Variants in ANKRD6 observed in about 807,000 individuals in gnomAD.
ANKRD6 encodes the protein ankyrin repeat domain 6.
Under a neutral mutation model 82.3 loss-of-function variants are expected in ANKRD6, and 56 were observed. The ratio of observed to expected loss-of-function variants is 0.68; its 90% CI spans 0.55 to 0.85. The LOEUF (loss-of-function observed/expected upper bound fraction) is 0.85. Ranked by LOEUF, ANKRD6 falls within the 40% of genes least tolerant of loss-of-function variation. The probability of loss-of-function intolerance (pLI) is 0.00; values close to 1 mark genes in which losing one functional copy is unlikely to be tolerated. For synonymous variants in ANKRD6, 347 were observed against 352.1 expected (o/e 0.99, Z 0.16); for missense variants, 852 against 907.6 (o/e 0.94, Z 0.79).
chr6:89,561,273 G>A (rs1787373341), intron 1 of ANKRD6: 1 of 152,248 alleles, frequency 6.6e-6, no homozygotes, highest in Non-Finnish European at 1.5e-5. Context: ...AGAGTTAGAA[G>A]AAGAGAGTTT....
chr6:89,469,707 G>A (rs1476229981), intron 1 of ANKRD6, among the ~76,000 whole-genome samples: 1 of 152,062 alleles, frequency 6.6e-6, no homozygotes, highest in African/African-American at 2.4e-5. Flanking sequence ...TGTAGTTCCC[G>A]TGTCACTCGT....
At chr6:89,482,479 A>G (rs1776922760) in intron 1 of ANKRD6, among the ~76,000 whole-genome samples, 1 of 152,174 alleles carries the variant, frequency 6.6e-6, no homozygotes, top group South Asian at 2.1e-4. Flanking sequence ...TCCAGGTCTA[A>G]AAATCCTGAA....
At chr6:89,629,461 G>T in intron 15 of ANKRD6, 2 of 592,090 alleles carry the variant, frequency 3.4e-6, no homozygotes, top group Non-Finnish European at 6.0e-6. Flanking sequence ...TTGAATAAAG[G>T]AATTAAAGAA....
chr6:89,450,838 C>A (rs932982894), intron 1 of ANKRD6, among the ~76,000 whole-genome samples: 3 of 152,108 alleles, frequency 2.0e-5, no homozygotes, highest in Non-Finnish European at 2.9e-5. Flanking sequence ...TACATTGTTT[C>A]TTTTAGACAT....
chr6:89,603,050 C>T lies in ANKRD6; in HGVS notation c.241C>T (p.Arg81Trp), dbSNP rs374729842. Reference protein sequence around the residue: ...QDDGDQTALHRATVVGNTEII... With the variant: ...QDDGDQTALHWATVVGNTEII... Reference sequence around the variant, plus strand: ...GCAGGGGGACCAGACCGCCTTGCACCGGGCCACAGTGGTGGGGAACACGGA... The same window carrying T: ...GCAGGGGGACCAGACCGCCTTGCACTGGGCCACAGTGGTGGGGAACACGGA... Residue 81 changes from arginine (R) to tryptophan (W), a missense_variant, in exon 4 of 16, where the codon CGG (arginine) becomes TGG (tryptophan). Physicochemically the swap from Arg to Trp is moderately radical, Grantham distance 101 (BLOSUM62 -3). Coordinates refer to ENST00000339746, the MANE Select transcript of ANKRD6 (RefSeq NM_001242809.2). The T allele has an allele frequency of 1.2e-5, 19 of 1,607,040 alleles. No individual in the cohort carries two copies. The African/African-American group carries it at 1.2e-4, about 10-fold the overall frequency.
At chr6:89,569,963 ATATG>A (rs1789421186) in intron 2 of ANKRD6, among the ~76,000 whole-genome samples, 1 of 152,142 alleles carries the variant, frequency 6.6e-6, no homozygotes, top group Non-Finnish European at 1.5e-5. Context: ...TTTCCAATGA[ATATG>A]TATGTTCTAC....
At chr6:89,445,695 C>T (rs1000777653) in intron 1 of ANKRD6, among the ~76,000 whole-genome samples, 1 of 152,086 alleles carries the variant, frequency 6.6e-6, no homozygotes, top group Non-Finnish European at 1.5e-5. Context: ...CTGCCCGCCT[C>T]GGCCTCCCAA....
rs565111881 is a variant in ANKRD6 at position 89,464,165 on chromosome 6, T to C, written c.-144+30790T>C. On this transcript the variant is annotated intron_variant, in intron 1 of 15. Transcript: ENST00000339746. ...AGTCCTTGAAGTTAAAAAACTGTCC[T>C]TGTTTTGTAATAAGTTAATTGTAAC... Among the ~76,000 whole-genome samples the C allele has an allele frequency of 2.6e-5, 4 of 152,294 alleles. No homozygotes were observed. In the East Asian group the frequency reaches 7.7e-4, roughly 29 times the overall value.
At chr6:89,590,520 A>G (rs1485891316) in intron 2 of ANKRD6, among the ~76,000 whole-genome samples, 1 of 152,192 alleles carries the variant, frequency 6.6e-6, no homozygotes, top group Non-Finnish European at 1.5e-5. Flanking sequence ...AATAGAAAAC[A>G]TCTCTCCTTG....
chr6:89,527,181 A>G (rs1295898656), intron 1 of ANKRD6, among the ~76,000 whole-genome samples: 2 of 152,198 alleles, frequency 1.3e-5, no homozygotes, highest in Admixed American at 1.3e-4. Flanking sequence ...ATTGCAATAG[A>G]AGTAGTCACA....
intron 4 of ANKRD6, among the ~76,000 whole-genome samples, chr6:89,603,654 A>G (rs1399226517): frequency 6.6e-6 from 1 of 152,134 alleles, no homozygotes; most frequent in Non-Finnish European, 1.5e-5. Context: ...TAAGTGAGCA[A>G]GTTAATTTCT....
intron 5 of ANKRD6, among the ~76,000 whole-genome samples, chr6:89,606,512 A>AT (rs1798664713): frequency 6.6e-6 from 1 of 152,176 alleles, no homozygotes; most frequent in Admixed American, 6.6e-5. Context: ...TGTGATACGA[A>AT]TAGCCACCTT....
intron 1 of ANKRD6, among the ~76,000 whole-genome samples, chr6:89,468,598 TAAAAAAAAA>T (rs60606383): frequency 3.7e-5 from 2 of 53,870 alleles, no homozygotes; most frequent in Admixed American, 2.1e-4. Context: ...GTTGATGAGC[TAAAAAAAAA>T]AAAAAAAAAA....
intron 1 of ANKRD6, among the ~76,000 whole-genome samples, chr6:89,522,706 C>T (rs1307694245): frequency 6.6e-6 from 1 of 151,970 alleles, no homozygotes; most frequent in Non-Finnish European, 1.5e-5. Flanking sequence ...TAGGGCAGCC[C>T]CAGAAAATTT....
chr6:89,514,387 A>T (rs568330007), intron 1 of ANKRD6, among the ~76,000 whole-genome samples: 122 of 151,924 alleles, frequency 8.0e-4, no homozygotes, highest in African/African-American at 2.4e-3. Flanking sequence ...CAAAAAAAAA[A>T]ATTTTTTTGG....
intron 1 of ANKRD6, among the ~76,000 whole-genome samples, chr6:89,496,690 T>C (rs1778666773): frequency 6.6e-6 from 1 of 152,012 alleles, no homozygotes; most frequent in South Asian, 2.1e-4. Flanking sequence ...ACCCAGCTAA[T>C]TTTTTGTATT....
intron 1 of ANKRD6, among the ~76,000 whole-genome samples, chr6:89,515,783 G>C (rs979331561): frequency 1.3e-5 from 2 of 152,040 alleles, no homozygotes; most frequent in African/African-American, 4.8e-5. Context: ...TGGATTACTA[G>C]GGTAGGATCT....
chr6:89,575,667 A>G (rs1043045193), intron 2 of ANKRD6, among the ~76,000 whole-genome samples: 3 of 152,328 alleles, frequency 2.0e-5, no homozygotes, highest in South Asian at 2.1e-4. Flanking sequence ...AATTATTTTC[A>G]TGTATATGTT....
Position 89,632,797 on chromosome 6 carries a change from G to GT in ANKRD6, c.*1797dup, listed in dbSNP as rs1807665154. ...ATTGTAGAGCTGGAGAGTACCTTCAGTTTTCTAAATCTATTCTCAAACAGG... is the reference window on the plus strand; with the variant it reads ...ATTGTAGAGCTGGAGAGTACCTTCAGTTTTTCTAAATCTATTCTCAAACAGG... On this transcript the variant is annotated 3_prime_UTR_variant, in exon 16 of 16. Transcript: ENST00000339746. 1 of 152,122 alleles carries GT rather than the reference G, an allele frequency of 6.6e-6. No individual in the cohort carries two copies. The highest frequency in any genetic ancestry group is 2.1e-4 in the South Asian group (1 of 4,826). The allele number at this position is 152,122 out of a possible 1,614,324, so 9.4% of individuals were successfully genotyped here.
Sources: gnomAD v4.1 joint callset for allele counts (sites outside exome capture counted in the v4.1 genomes callset) on GRCh38, gnomAD v4.1.1 for gene constraint, MANE v1.5 for transcripts, NCBI Gene and HGNC (gene_info 2026-07-23, HGNC 2026-07-21) for gene names.